The following XPO4 variants were observed in gnomAD, a reference collection of about 807,000 sequenced individuals.
XPO4 encodes exportin 4, also known as exportin-4.
Under a neutral mutation model 143.0 loss-of-function variants are expected in XPO4, and 39 were observed. That is an observed-to-expected ratio of 0.27 (90% CI 0.21 to 0.36). The LOEUF (loss-of-function observed/expected upper bound fraction) is 0.36. Among genes scored for constraint, XPO4 ranks in the 10% least tolerant of loss-of-function variants. The pLI, the probability that XPO4 is intolerant of heterozygous loss-of-function variation, is 1.00. For synonymous variants in XPO4, 439 were observed against 474.0 expected (o/e 0.93, Z 0.96); for missense variants, 907 against 1,348.0 (o/e 0.67, Z 5.12).
intron 9 of XPO4, among the ~76,000 whole-genome samples, chr13:20,819,972 C>A (rs1360134091): frequency 6.6e-6 from 1 of 152,196 alleles, no homozygotes; most frequent in Admixed American, 6.5e-5. Context: ...CACCACACAT[C>A]CCCAACCTGG....
chr13:20,843,301 G>A (rs937413045), intron 5 of XPO4, among the ~76,000 whole-genome samples: 4 of 152,138 alleles, frequency 2.6e-5, no homozygotes, highest in Non-Finnish European at 4.4e-5. Context: ...CAACTACTGC[G>A]GAGCCAGAGG....
intron 1 of XPO4, among the ~76,000 whole-genome samples, chr13:20,888,403 T>C (rs1377464313): frequency 2.0e-5 from 3 of 152,120 alleles, no homozygotes; most frequent in Non-Finnish European, 2.9e-5. Flanking sequence ...CTGGATGGAG[T>C]GCAGTGTTGT....
chr13:20,797,182 A>G, intron 16 of XPO4, 125 bp from the exon 17 acceptor site: 1 of 967,674 alleles, frequency 1.0e-6, no homozygotes. Context: ...CATAACAAAG[A>G]ATATCTAAAC....
In XPO4 at chr13:20,815,040, G is replaced by A. The variant is rs553661657; in HGVS notation, c.1174-5073C>T. ...AATATATGAAATCTGTCCCCTTTTT[G>A]ACATCAAATTGAATTTCAGAGATTA... is the stretch of plus-strand genomic sequence containing the variant. On this transcript the variant is annotated intron_variant, in intron 9 of 22. Coordinates refer to ENST00000255305, the MANE Select transcript of XPO4 (RefSeq NM_022459.5). Among the ~76,000 whole-genome samples the A allele has an allele frequency of 5.3e-5, 8 of 152,064 alleles. 1 individual carries two copies. Among genetic ancestry groups the A allele is most frequent in the African/African-American group, 1.7e-4 (7 of 41,504 alleles).
At position 20,796,933 on chromosome 13, in the gene XPO4, G is replaced by A. The variant is rs748811817; in HGVS notation, c.2447C>T (p.Ala816Val). The A allele has an allele frequency of 3.7e-6, 6 of 1,614,094 alleles. No individual in the cohort carries two copies. The change falls in exon 17 of 23, where the codon GCT becomes GTT. Residue 816 changes from alanine (A) to valine (V), a missense_variant. Ala to Val is a moderately conservative substitution (Grantham distance 64, BLOSUM62 0). Transcript: ENST00000255305. ...TATLEALCGI[A>V]EATQIDNVAI... ...TACGTTGTCAATCTGGGTAGCCTCA[G>A]CAATGCCACACAGGGCCTCTAGTGT...
chr13:20,839,844 G>A (rs1234906969), intron 6 of XPO4, among the ~76,000 whole-genome samples: 2 of 152,080 alleles, frequency 1.3e-5, no homozygotes, highest in Non-Finnish European at 1.5e-5. Flanking sequence ...TAAGCTGGGT[G>A]TGGTGGTGCA....
At chr13:20,811,326 T>C (rs1446464766) in intron 9 of XPO4, among the ~76,000 whole-genome samples, 1 of 151,132 alleles carries the variant, frequency 6.6e-6, no homozygotes, top group Non-Finnish European at 1.5e-5. Flanking sequence ...CTCGCTCTGT[T>C]ACCCAGGCTG....
chr13:20,859,008 G>C (rs1015496028), intron 3 of XPO4, among the ~76,000 whole-genome samples: 9 of 150,736 alleles, frequency 6.0e-5, no homozygotes, highest in African/African-American at 2.2e-4. Context: ...AATTACTTTA[G>C]CTTCTAAATT....
In XPO4 at chr13:20,809,174, C is replaced by G. The variant is rs1457808204; in HGVS notation, c.1402G>C (p.Glu468Gln). The G allele has an allele frequency of 6.2e-7, 1 of 1,614,162 alleles. No individual in the cohort carries two copies. ...TCAGAAAACTGGTCTCGATCATCCT[C>G]TTGAAGTTCACTTATTTCTTCCTCC... Reference protein sequence around the residue: ...REEEEISELQEDDRDQFSDQL... With the variant: ...REEEEISELQQDDRDQFSDQL... Residue 468 changes from glutamate (E) to glutamine (Q), a missense_variant, in exon 11 of 23, where the codon GAG becomes CAG. Coordinates refer to ENST00000255305, the MANE Select transcript of XPO4 (RefSeq NM_022459.5).
chr13:20,868,691 G>T lies in XPO4; in HGVS notation c.80C>A (p.Ser27Tyr). ...CTGGCGTTGTTCATTATTGACCATG[G>T]AAGGTGGTGCCTTGAGAGTTAAAGA... ...NAAKVLMAPP[S>Y]MVNNEQRQHA... Residue 27 changes from serine (S) to tyrosine (Y), a missense_variant, in exon 2 of 23, where the codon TCC (serine) becomes TAC (tyrosine). By Grantham distance (144) the Ser-to-Tyr change is moderately radical. Transcript: ENST00000255305. 6.2e-7 allele frequency: 1 copy of T among 1,612,536 alleles called. No homozygotes were observed. Among genetic ancestry groups the T allele is most frequent in the Non-Finnish European group, 8.5e-7 (1 of 1,179,306 alleles).
chr13:20,818,030 G>A (rs1401004329), intron 9 of XPO4, among the ~76,000 whole-genome samples: 1 of 152,048 alleles, frequency 6.6e-6, no homozygotes, highest in Non-Finnish European at 1.5e-5. Flanking sequence ...CCCGACCTCA[G>A]GTGATCTGCC....
intron 6 of XPO4, 106 bp downstream of exon 6, chr13:20,842,789 C>T: frequency 9.6e-7 from 1 of 1,037,850 alleles, no homozygotes; most frequent in Non-Finnish European, 1.3e-6. Context: ...ATCTTATTTT[C>T]TTTCAATATG....
At chr13:20,842,811 C>T (rs749215691) in intron 6 of XPO4, 84 bp downstream of exon 6, 26 of 1,220,694 alleles carry the variant, frequency 2.1e-5, no homozygotes, top group Non-Finnish European at 2.8e-5. Flanking sequence ...TTTATGAAAG[C>T]TGCAGAGGTG....
intron 4 of XPO4, chr13:20,850,676 G>T: frequency 2.0e-6 from 1 of 496,890 alleles, no homozygotes; most frequent in Non-Finnish European, 2.6e-6. Flanking sequence ...GAGGTGGGAG[G>T]ATCACTTGAG....
intron 1 of XPO4, among the ~76,000 whole-genome samples, chr13:20,889,183 TA>T (rs2138175815): frequency 6.6e-6 from 1 of 152,294 alleles, no homozygotes; most frequent in South Asian, 2.1e-4. Context: ...TTAAGTTAAT[TA>T]AAAATTTAGC....
chr13:20,848,007 T>C (rs2138076459), intron 4 of XPO4, among the ~76,000 whole-genome samples: 1 of 152,330 alleles, frequency 6.6e-6, no homozygotes, highest in South Asian at 2.1e-4. Context: ...AGTGACTACT[T>C]GGAAGCTACT....
chr13:20,851,090 C>A (rs1721572341), intron 4 of XPO4: 1 of 985,270 alleles, frequency 1.0e-6, no homozygotes, highest in East Asian at 1.1e-4. Context: ...TGTTCACTGT[C>A]ATTTATATCT....
At chr13:20,859,796 AAAG>A in intron 3 of XPO4, 1 of 919,742 alleles carries the variant, frequency 1.1e-6, no homozygotes, top group Non-Finnish European at 1.3e-6. Flanking sequence ...AAAAAAAAAA[AAAG>A]AACAAATAAA....
At chr13:20,886,983 T>C (rs1217585282) in intron 1 of XPO4, among the ~76,000 whole-genome samples, 1 of 151,910 alleles carries the variant, frequency 6.6e-6, no homozygotes, top group Non-Finnish European at 1.5e-5. Flanking sequence ...TGAGGCAGAA[T>C]TGCTTGAACC....
Sources: gnomAD v4.1 joint callset for allele counts (sites outside exome capture counted in the v4.1 genomes callset) on GRCh38, gnomAD v4.1.1 for gene constraint, MANE v1.5 for transcripts, NCBI Gene and HGNC (gene_info 2026-07-23, HGNC 2026-07-21) for gene names.